CCDC170: variants seen among roughly 807,000 people sequenced by gnomAD.
CCDC170 encodes the protein coiled-coil domain-containing protein 170.
A neutral mutation model predicts 72.6 loss-of-function variants in CCDC170; 69 were observed. The observed-to-expected ratio is 0.95, with a 90% CI of 0.78 to 1.16. CCDC170 has a LOEUF of 1.16. CCDC170 is among the 50% of genes most tolerant of loss of function. CCDC170 has a pLI of 0.00. For missense variants in CCDC170, 852 were observed against 832.5 expected, an observed-to-expected ratio of 1.02 and a Z score of -0.29; for synonymous variants, 300 against 303.9, an observed-to-expected ratio of 0.99 and a Z score of 0.13.
intron 3 of CCDC170, among the ~76,000 whole-genome samples, chr6:151,541,088 C>T (rs572300152): frequency 1.3e-5 from 2 of 152,240 alleles, no homozygotes; most frequent in South Asian, 4.1e-4. Context: ...CCTGACAGAC[C>T]TGATTGTACC....
At chr6:151,588,321 AC>A (rs749154329) in intron 7 of CCDC170, among the ~76,000 whole-genome samples, 28 of 152,206 alleles carry the variant, frequency 1.8e-4, no homozygotes, top group East Asian at 9.7e-4. Flanking sequence ...ACAAACAACA[AC>A]AAAAACACAC....
At chr6:151,568,923 T>C (rs1332027623) in intron 5 of CCDC170, among the ~76,000 whole-genome samples, 2 of 152,238 alleles carry the variant, frequency 1.3e-5, no homozygotes, top group Non-Finnish European at 2.9e-5. Context: ...TAGTAACCTA[T>C]CTTATAGATA....
intron 1 of CCDC170, among the ~76,000 whole-genome samples, chr6:151,509,568 C>A (rs1782118356): frequency 6.6e-6 from 1 of 152,000 alleles, no homozygotes; most frequent in Non-Finnish European, 1.5e-5. Context: ...TTATAAGCTC[C>A]CAAATCAACA....
At chr6:151,494,216 G>T (rs756427761) in intron 1 of CCDC170, 31 bp downstream of exon 1, 10 of 1,491,176 alleles carry the variant, frequency 6.7e-6, no homozygotes, top group Non-Finnish European at 8.9e-6. Context: ...CGCGCGCGGG[G>T]GTGGCCCTGG....
chr6:151,613,592 A>T (rs1433346177), intron 9 of CCDC170, among the ~76,000 whole-genome samples: 2 of 152,166 alleles, frequency 1.3e-5, no homozygotes, highest in Non-Finnish European at 2.9e-5. Flanking sequence ...ATAATAGAAT[A>T]TGTGTTTTTT....
At chr6:151,582,986 CTTTTT>C (rs35947074) in intron 6 of CCDC170, among the ~76,000 whole-genome samples, 2 of 94,234 alleles carry the variant, frequency 2.1e-5, no homozygotes, top group African/African-American at 4.9e-5. Context: ...TGGAGTAGCA[CTTTTT>C]TTTTTTTTTT....
At chr6:151,547,112 C>T (rs571752892) in intron 4 of CCDC170, among the ~76,000 whole-genome samples, 1 of 152,292 alleles carries the variant, frequency 6.6e-6, no homozygotes, top group South Asian at 2.1e-4. Flanking sequence ...TGTTCCTTCG[C>T]TTTCACACGC....
chr6:151,565,732 C>T (rs777191808), intron 5 of CCDC170, among the ~76,000 whole-genome samples: 2 of 152,172 alleles, frequency 1.3e-5, no homozygotes, highest in East Asian at 1.9e-4. Flanking sequence ...ATATACTTCC[C>T]GGTTTTTACC....
At chr6:151,574,134 G>GCTTCGTGGGAAGAATTT (rs1157857879) in intron 6 of CCDC170, among the ~76,000 whole-genome samples, 1 of 152,214 alleles carries the variant, frequency 6.6e-6, no homozygotes, top group East Asian at 1.9e-4. Context: ...AATTTCTTGA[G>GCTTCGTGGGAAGAATTT]CCCACGAGTT....
At chr6:151,603,235 G>C (rs1776737377) in intron 9 of CCDC170, among the ~76,000 whole-genome samples, 1 of 152,112 alleles carries the variant, frequency 6.6e-6, no homozygotes, top group Admixed American at 6.6e-5. Flanking sequence ...ATTATCTTTT[G>C]AGTTTGGCAT....
At chr6:151,611,628 TAGGAGGACACAAACA>T in intron 9 of CCDC170, among the ~76,000 whole-genome samples, 1 of 151,978 alleles carries the variant, frequency 6.6e-6, no homozygotes, top group Non-Finnish European at 1.5e-5. Flanking sequence ...CATATGAATT[TAGGAGGACACAAACA>T]TTCAGACTGT....
At chr6:151,522,717 C>G (rs1782341408) in intron 1 of CCDC170, among the ~76,000 whole-genome samples, 1 of 152,194 alleles carries the variant, frequency 6.6e-6, no homozygotes, top group Non-Finnish European at 1.5e-5. Flanking sequence ...AAGTAACTTG[C>G]CTTGCTGAGA....
At chr6:151,547,324 T>A (rs560632235) in intron 4 of CCDC170, among the ~76,000 whole-genome samples, 1 of 152,220 alleles carries the variant, frequency 6.6e-6, no homozygotes, top group Non-Finnish European at 1.5e-5. Flanking sequence ...GTAAGGATAG[T>A]GAAGAAATAA....
At chr6:151,562,525 A>C (rs9383925) in intron 5 of CCDC170, among the ~76,000 whole-genome samples, 139,498 of 152,214 alleles carry the variant, frequency 0.92, 64,176 homozygotes, top group East Asian at 0.99. Flanking sequence ...TGGTGGCTTT[A>C]TCAGACCATG....
intron 3 of CCDC170, 148 bp downstream of exon 3, chr6:151,538,449 T>C (rs936759236): frequency 1.3e-6 from 1 of 797,932 alleles, no homozygotes; most frequent in African/African-American, 1.7e-5. Flanking sequence ...CAAATATCTT[T>C]GGAGTCTTGA....
In CCDC170 at chr6:151,502,888, G is replaced by A. The variant is rs182800663; in HGVS notation, c.57+8703G>A. Among the ~76,000 whole-genome samples the A allele has an allele frequency of 1.6e-3, 237 of 152,236 alleles. 1 individual carries two copies. The highest frequency in any genetic ancestry group is 5.5e-3 in the African/African-American group (227 of 41,526). ...CCCCTTTCACAAAAGTTATATCCGC[G>A]GCCAGGTGCGGTGGCTCACGCCTGT... On this transcript the variant is annotated intron_variant, in intron 1 of 10. Transcript: ENST00000239374.
rs1776447182 is a variant in CCDC170, at chr6:151,586,064, A to C, written c.1268A>C (p.Asp423Ala). The change falls in exon 7 of 11, where the codon GAC (aspartate) becomes GCC (alanine). Residue 423 changes from aspartate to alanine, a missense_variant. Physicochemically the swap from Asp to Ala is moderately radical, Grantham distance 126. Coordinates refer to ENST00000239374, the MANE Select transcript of CCDC170 (RefSeq NM_025059.4). Reference protein sequence around the residue: ...AELVSGGVLRDNLNFEKQKYL... With the variant: ...AELVSGGVLRANLNFEKQKYL... Reference sequence around the variant, plus strand: ...CTGGTTTCTGGAGGTGTTTTGCGAGACAACTTGAATTTTGAGAAACAAAAA... The same window carrying C: ...CTGGTTTCTGGAGGTGTTTTGCGAGCCAACTTGAATTTTGAGAAACAAAAA... 1.2e-6 allele frequency: 2 copies of C among 1,614,174 alleles called. No homozygotes were observed. The highest frequency in any genetic ancestry group is 4.5e-5 in the East Asian group (2 of 44,882).
chr6:151,565,820 G>T (rs1433704724), intron 5 of CCDC170, among the ~76,000 whole-genome samples: 1 of 152,062 alleles, frequency 6.6e-6, no homozygotes, highest in Non-Finnish European at 1.5e-5. Flanking sequence ...TTGTCTGTAG[G>T]TTCATTCTAA....
intron 1 of CCDC170, among the ~76,000 whole-genome samples, chr6:151,498,697 A>G (rs1317987311): frequency 1.3e-5 from 2 of 152,234 alleles, no homozygotes; most frequent in Non-Finnish European, 2.9e-5. Context: ...AAGTGGAATC[A>G]GACTGTATTT....
Sources: allele counts gnomAD v4.1 joint callset (sites outside exome capture counted in the v4.1 genomes callset), GRCh38; gene constraint gnomAD v4.1.1; transcripts MANE v1.5; gene names NCBI Gene and HGNC (gene_info 2026-07-23, HGNC 2026-07-21).